Variants in GLRA2 observed in about 807,000 individuals in gnomAD.
GLRA2 encodes the protein glycine receptor alpha 2, also known as glycine receptor subunit alpha-2.
In GLRA2, 11 loss-of-function variants were observed where a neutral mutation model predicts 31.6. The observed-to-expected ratio is 0.35, with a 90% CI of 0.22 to 0.58. GLRA2 has a LOEUF of 0.58. GLRA2 is among the 20% of genes least tolerant of loss of function. GLRA2 has a pLI of 0.84. For missense variants in GLRA2, 212 were observed against 351.8 expected, an observed-to-expected ratio of 0.60 and a Z score of 3.18; for synonymous variants, 132 against 134.0, an observed-to-expected ratio of 0.99 and a Z score of 0.10.
At position 14,731,456 on chromosome X, in the gene GLRA2, G is replaced by T. The variant is rs763305543; in HGVS notation, c.*971G>T. ...GTCCTGAACAGTGTAGCTCAGGTCA[G>T]CTTGAACTTTCCATTTCTGCTCTCA... is the stretch of plus-strand genomic sequence containing the variant. On this transcript the variant is annotated 3_prime_UTR_variant, in exon 9 of 9. Transcript: ENST00000218075. 8.9e-6 allele frequency: 1 copy of T among 111,953 alleles called. No individual in the cohort carries two copies. Among genetic ancestry groups the T allele is most frequent in the Admixed American group, 9.5e-5 (1 of 10,486 alleles). 9.2% of individuals were successfully genotyped at this position (111,953 alleles called of 1,213,427 possible). A position where few individuals can be genotyped will look rare whatever the true frequency, so the allele number is the denominator to read the frequency against.
chrX:14,557,065 G>A (rs2089651901), intron 2 of GLRA2, among the ~76,000 whole-genome samples: 1 of 94,061 alleles, frequency 1.1e-5, no homozygotes, highest in Non-Finnish European at 2.1e-5. Flanking sequence ...ACGAGTATAA[G>A]TTCTATTATA....
intron 8 of GLRA2, among the ~76,000 whole-genome samples, chrX:14,706,617 A>C (rs1461101714): frequency 9.0e-6 from 1 of 111,614 alleles, no homozygotes; most frequent in Non-Finnish European, 1.9e-5. Flanking sequence ...TAGGATTATC[A>C]TTCTGGTATT....
At chrX:14,620,336 G>A (rs748708575) in intron 7 of GLRA2, among the ~76,000 whole-genome samples, 1 of 108,771 alleles carries the variant, frequency 9.2e-6, no homozygotes, top group South Asian at 4.2e-4. Context: ...TAGGATGCAG[G>A]CTTATTCTCT....
At chrX:14,624,376 T>G (rs2090562821) in intron 7 of GLRA2, among the ~76,000 whole-genome samples, 1 of 111,797 alleles carries the variant, frequency 8.9e-6, no homozygotes, top group African/African-American at 3.3e-5. Flanking sequence ...TCTTAAGTTA[T>G]TTCTTGCCTT....
chrX:14,516,590 TCTC>T, the GLRA2 span, among the ~76,000 whole-genome samples: 45 of 111,177 alleles, frequency 4.0e-4, 1 homozygote, highest in African/African-American at 1.5e-3. Context: ...CCTAGAGAAG[TCTC>T]CTCCTATGTT....
rs912468977 is a variant in GLRA2 at position 14,593,361 on chromosome X, A to G, written c.495-10954A>G. On this transcript the variant is annotated intron_variant, in intron 4 of 8. Transcript: ENST00000218075. ...TAAAAGATTATTAAGTACGTATATT[A>G]ATACAATTATGTGAAGTTCCACATG... 2.7e-5 allele frequency among the ~76,000 whole-genome samples: 3 copies of G among 112,312 alleles called. No homozygotes were observed. In the Admixed American group the frequency reaches 2.8e-4, roughly 11 times the overall value.
chrX:14,659,508 CT>C (rs1466506905), intron 7 of GLRA2, among the ~76,000 whole-genome samples: 1 of 111,833 alleles, frequency 8.9e-6, no homozygotes, highest in Non-Finnish European at 1.9e-5. Context: ...TTGCTTGGTT[CT>C]TATGTTGTTT....
At chrX:14,492,735 C>A in the GLRA2 span, among the ~76,000 whole-genome samples, 4 of 111,639 alleles carry the variant, frequency 3.6e-5, no homozygotes, top group Non-Finnish European at 5.6e-5. Context: ...ACCAAAATTT[C>A]TAAATGATTA....
chrX:14,469,439 C>T, the GLRA2 span, among the ~76,000 whole-genome samples: 1 of 108,686 alleles, frequency 9.2e-6, no homozygotes, highest in African/African-American at 3.4e-5. Context: ...AGACTTGGAA[C>T]CAACCCAAAT....
chrX:14,518,175 A>G, the GLRA2 span, among the ~76,000 whole-genome samples: 2 of 112,114 alleles, frequency 1.8e-5, no homozygotes, highest in Non-Finnish European at 3.8e-5. Context: ...AACATTGTCC[A>G]GGTTGGCAAA....
At position 14,633,497 on chromosome X, in the gene GLRA2, A is replaced by AAACAAC. The variant is rs374182136; in HGVS notation, c.930+24310_930+24315dup. ...GTGACAGAGTGAGACTGTATCTCTA[A>AAACAAC]AACAACAACAACAACAACAACAAAT... On this transcript the variant is annotated intron_variant, in intron 7 of 8. Transcript: ENST00000218075. 1.2e-4 allele frequency among the ~76,000 whole-genome samples: 13 copies of AAACAAC among 111,506 alleles called. No homozygotes were observed. In the East Asian group the frequency reaches 2.3e-3, roughly 19 times the overall value.
intron 7 of GLRA2, among the ~76,000 whole-genome samples, chrX:14,681,910 A>AAAAAAAAATATAT (rs758563376): frequency 7.3e-5 from 3 of 41,286 alleles, no homozygotes; most frequent in African/African-American, 2.4e-4. Flanking sequence ...AAAAAAAAAA[A>AAAAAAAAATATAT]ATATATATAT....
chrX:14,717,685 A>C (rs1357062640), intron 8 of GLRA2, among the ~76,000 whole-genome samples: 1 of 108,873 alleles, frequency 9.2e-6, no homozygotes, highest in African/African-American at 3.3e-5. Context: ...TATGGAGTAC[A>C]TCATGAATTA....
chrX:14,594,940 GAAAAAA>G (rs533954335), intron 4 of GLRA2, among the ~76,000 whole-genome samples: 31 of 77,462 alleles, frequency 4.0e-4, no homozygotes, highest in African/African-American at 1.3e-3. Context: ...AGGTCAACAG[GAAAAAA>G]AAAAAAAAAA....
At chrX:14,618,652 G>A (rs1190517583) in intron 7 of GLRA2, among the ~76,000 whole-genome samples, 6 of 111,708 alleles carry the variant, frequency 5.4e-5, no homozygotes, top group Non-Finnish European at 1.1e-4. Context: ...TGGGTTCTCT[G>A]CCCAGGGTCT....
chrX:14,527,706 C>A (rs1303525977), upstream of GLRA2, among the ~76,000 whole-genome samples: 1 of 111,458 alleles, frequency 9.0e-6, no homozygotes, highest in East Asian at 2.8e-4. Context: ...TTTCTTCTAT[C>A]TTTATACCTA....
the GLRA2 span, among the ~76,000 whole-genome samples, chrX:14,469,078 TG>T: frequency 8.9e-6 from 1 of 111,774 alleles, no homozygotes; most frequent in Non-Finnish European, 1.9e-5. Context: ...CTTTGTCACA[TG>T]AGTAGGTTGC....
intron 7 of GLRA2, among the ~76,000 whole-genome samples, chrX:14,681,891 C>CAAAAA (rs1157722406): frequency 2.6e-3 from 68 of 26,609 alleles, no homozygotes; most frequent in Non-Finnish European, 4.3e-3. Context: ...GACACCATCT[C>CAAAAA]AAAAAAAAAA....
intron 8 of GLRA2, among the ~76,000 whole-genome samples, chrX:14,715,465 C>A (rs760016685): frequency 1.8e-5 from 2 of 111,614 alleles, no homozygotes; most frequent in South Asian, 7.5e-4. Flanking sequence ...CTGGGGATAT[C>A]AAAATATGTC....
Sources: gnomAD v4.1 joint callset for allele counts (sites outside exome capture counted in the v4.1 genomes callset) on GRCh38, gnomAD v4.1.1 for gene constraint, MANE v1.5 for transcripts, NCBI Gene and HGNC (gene_info 2026-07-23, HGNC 2026-07-21) for gene names.